The following TRIML1 variants were observed in gnomAD, a reference collection of about 807,000 sequenced individuals.
TRIML1 encodes the protein probable E3 ubiquitin-protein ligase TRIML1.
A neutral mutation model predicts 32.3 loss-of-function variants in TRIML1; 34 were observed. That is an observed-to-expected ratio of 1.05 (90% CI 0.80 to 1.40). The LOEUF is 1.40. Among genes scored for constraint, TRIML1 ranks in the 40% most tolerant of loss-of-function variants. The pLI is 0.00. For missense variants in TRIML1, 595 were observed against 574.9 expected (o/e 1.03, Z -0.36); for synonymous variants, 244 against 226.6 (o/e 1.08, Z -0.69).
At chr4:188,149,930 G>C (rs1336657555), downstream of TRIML1, among the ~76,000 whole-genome samples, 1 of 151,828 alleles carries the variant, frequency 6.6e-6, no homozygotes, top group Non-Finnish European at 1.5e-5. Context: ...AGCCTCCCGA[G>C]TAGCTGGGAC....
intron 2 of TRIML1, among the ~76,000 whole-genome samples, chr4:188,141,165 G>GTATTTTTTTTTTTT (rs1734838418): frequency 8.4e-6 from 1 of 118,822 alleles, no homozygotes; most frequent in Non-Finnish European, 1.7e-5. Flanking sequence ...TTTGAAATCT[G>GTATTTTTTTTTTTT]TTTTTTTTTT....
chr4:188,147,056 G>A lies in TRIML1; in HGVS notation c.1091G>A (p.Arg364Lys). Residue 364 changes from arginine (R) to lysine (K), a missense_variant, in exon 6 of 6, where the codon AGA becomes AAA. Transcript: ENST00000332517. Reference protein sequence around the residue: ...EVGICKDSVSRKGNLPKPPGD... With the variant: ...EVGICKDSVSKKGNLPKPPGD... The stretch of plus-strand genomic sequence containing the variant: ...GGCATCTGCAAGGACTCTGTGAGCA[G>A]AAAGGGGAATCTCCCCAAGCCACCT... 6.2e-7 allele frequency: 1 copy of A among 1,613,304 alleles called. No individual in the cohort carries two copies. Among genetic ancestry groups the A allele is most frequent in the Non-Finnish European group, 8.5e-7 (1 of 1,179,664 alleles).
chr4:188,147,902 C>T (rs1735149363), downstream of TRIML1, among the ~76,000 whole-genome samples: 1 of 152,102 alleles, frequency 6.6e-6, no homozygotes, highest in Non-Finnish European at 1.5e-5. Context: ...CCTTCCCATC[C>T]CATGAGCCTG....
At chr4:188,139,017 G>A (rs1659316409), upstream of TRIML1, among the ~76,000 whole-genome samples, 1 of 152,048 alleles carries the variant, frequency 6.6e-6, no homozygotes, top group South Asian at 2.1e-4. Flanking sequence ...AGAACAAAAG[G>A]GGCTAATGAG....
intron 5 of TRIML1, among the ~76,000 whole-genome samples, chr4:188,146,311 G>T (rs762893683): frequency 1.3e-5 from 2 of 152,166 alleles, no homozygotes; most frequent in Non-Finnish European, 2.9e-5. Context: ...GCAGGCTAAA[G>T]CTCCTTCTCC....
intron 1 of TRIML1, 140 bp from the exon 2 acceptor site, chr4:188,140,388 C>T (rs1001679105): frequency 1.6e-6 from 1 of 638,078 alleles, no homozygotes; most frequent in Non-Finnish European, 2.7e-6. Flanking sequence ...TCCCAAAGTG[C>T]TGGGATTACA....
rs1486522460 is a variant in TRIML1, at chr4:188,142,409, A to G, written c.662A>G (p.Gln221Arg). The change falls in exon 3 of 6, where the codon CAA becomes CGA. Residue 221 changes from glutamine (Q) to arginine (R), a missense_variant. By Grantham distance (43) the Gln-to-Arg change is conservative. Transcript: ENST00000332517. ...LRNNEIKLTQ[Q>R]IRSLSKMIAQ... ...AACAATGAGATCAAACTGACCCAGC[A>G]AATCAGAAGCCTAAGCAAAATGATC... The G allele has an allele frequency of 1.2e-6, 2 of 1,613,968 alleles. No homozygotes were observed. Among genetic ancestry groups the G allele is most frequent in the Admixed American group, 3.3e-5 (2 of 59,962 alleles).
chr4:188,144,663 A>G (rs1300327205), intron 5 of TRIML1, among the ~76,000 whole-genome samples: 3 of 151,986 alleles, frequency 2.0e-5, no homozygotes, highest in African/African-American at 7.2e-5. Flanking sequence ...CGCCCAGCCA[A>G]TCCTAGTCCT....
In TRIML1 at chr4:188,139,811, G is replaced by A. The variant is rs1469156294; in HGVS notation, c.253G>A (p.Val85Met). 1.3e-5 allele frequency: 21 copies of A among 1,613,844 alleles called. No homozygotes were observed. Among genetic ancestry groups the A allele is most frequent in the Non-Finnish European group, 1.8e-5 (21 of 1,180,038 alleles). Residue 85 changes from valine (V) to methionine (M), a missense_variant, in exon 1 of 6, where the codon GTG becomes ATG. Transcript: ENST00000332517. ...CATCGCCAGGCAGCTCCGGTCCCAG[G>A]TGCTGCAGAGCGAGGATGAGCAGGG... ...ASIARQLRSQ[V>M]LQSEDEQGSY... is the part of the protein sequence containing the mutation.
chr4:188,148,864 A>AGT (rs1279614501), downstream of TRIML1, among the ~76,000 whole-genome samples: 1 of 143,210 alleles, frequency 7.0e-6, no homozygotes, highest in Non-Finnish European at 1.5e-5. Context: ...GGCCTCCCAA[A>AGT]GTGCTAGGAT....
chr4:188,148,357 G>C (rs915082743), downstream of TRIML1, among the ~76,000 whole-genome samples: 9 of 150,976 alleles, frequency 6.0e-5, no homozygotes, highest in Non-Finnish European at 1.2e-4. Flanking sequence ...AGCTGGGCAT[G>C]ATGGCACATG....
upstream of TRIML1, among the ~76,000 whole-genome samples, chr4:188,137,828 G>A (rs1054067123): frequency 1.3e-5 from 2 of 151,644 alleles, no homozygotes; most frequent in African/African-American, 2.4e-5. Context: ...GGCCAGGCTG[G>A]TCTTAAACTC....
chr4:188,141,071 T>C (rs1734834106), intron 2 of TRIML1, among the ~76,000 whole-genome samples: 1 of 152,142 alleles, frequency 6.6e-6, no homozygotes, highest in Admixed American at 6.5e-5. Flanking sequence ...GGACTTGGAT[T>C]TGAGCTCTCC....
chr4:188,145,066 A>G (rs927294286), intron 5 of TRIML1, among the ~76,000 whole-genome samples: 2 of 152,122 alleles, frequency 1.3e-5, no homozygotes, highest in African/African-American at 2.4e-5. Context: ...AGAATTTTCA[A>G]TGAAATTGAG....
In TRIML1 at chr4:188,144,042, G is replaced by T; in HGVS notation, c.765G>T (p.Glu255Asp). 6.2e-7 allele frequency: 1 copy of T among 1,613,992 alleles called. No homozygotes were observed. Among genetic ancestry groups the T allele is most frequent in the Non-Finnish European group, 8.5e-7 (1 of 1,179,966 alleles). The change falls in exon 5 of 6, where the codon GAG becomes GAT. Residue 255 changes from glutamate to aspartate, a missense_variant. By Grantham distance (45) the Glu-to-Asp change is conservative. Transcript: ENST00000332517. ...CCTCTCTGCTCTCTTGCAGGAGCGA[G>T]CCACTCTTGCTTCAGTGTCCAGAGG... ...EEVRGALERSEPLLLQCPEAT... is the reference protein window; with the variant it reads ...EEVRGALERSDPLLLQCPEAT...
At chr4:188,138,432 T>A (rs1734732672), upstream of TRIML1, among the ~76,000 whole-genome samples, 1 of 151,866 alleles carries the variant, frequency 6.6e-6, no homozygotes, top group African/African-American at 2.4e-5. Context: ...CGTGGGAAGG[T>A]CAAACTCGCT....
rs57916993 is a variant in TRIML1 at position 188,140,123 on chromosome 4, T to C, written c.408+157T>C. On this transcript the variant is annotated intron_variant, in intron 1 of 5. Transcript: ENST00000332517. Reference sequence around the variant, plus strand: ...TGGGTCCAGTTTACACCCTTTTTTTTCCCTTTTTTTGTTTTTGAGACAGAG... The same window carrying C: ...TGGGTCCAGTTTACACCCTTTTTTTCCCCTTTTTTTGTTTTTGAGACAGAG... Among the ~76,000 whole-genome samples, 586 of 142,742 alleles carry C rather than the reference T, an allele frequency of 4.1e-3. 3 individuals are homozygous for C. Among genetic ancestry groups the C allele is most frequent in the African/African-American group, 0.012 (484 of 39,752 alleles). 93.6% of individuals were successfully genotyped at this position (142,742 alleles called of 152,430 possible). A position where few individuals can be genotyped will look rare whatever the true frequency, so the allele number is the denominator to read the frequency against.
intron 5 of TRIML1, 144 bp downstream of exon 5, chr4:188,144,277 GC>G: frequency 1.5e-6 from 1 of 674,954 alleles, no homozygotes; most frequent in Non-Finnish European, 2.5e-6. Context: ...GAGGGCTGGG[GC>G]CACAGACCGT....
At chr4:188,148,171 C>A (rs1735156213), downstream of TRIML1, among the ~76,000 whole-genome samples, 1 of 152,082 alleles carries the variant, frequency 6.6e-6, no homozygotes, top group South Asian at 2.1e-4. Flanking sequence ...CTCCAGAAGG[C>A]CAAAGAGCCT....
Sources: allele counts gnomAD v4.1 joint callset (sites outside exome capture counted in the v4.1 genomes callset), GRCh38; gene constraint gnomAD v4.1.1; transcripts MANE v1.5; gene names NCBI Gene and HGNC (gene_info 2026-07-23, HGNC 2026-07-21).